The following CGNL1 variants were observed in gnomAD, a reference collection of about 807,000 sequenced individuals.
The protein encoded by CGNL1 is cingulin-like protein 1.
A neutral mutation model predicts 141.2 loss-of-function variants in CGNL1; 132 were observed. The ratio of observed to expected loss-of-function variants is 0.93; its 90% confidence interval spans 0.81 to 1.08. The LOEUF (loss-of-function observed/expected upper bound fraction) is 1.08. Among genes scored for constraint, CGNL1 ranks in the 50% least tolerant of loss-of-function variants. The probability of loss-of-function intolerance (pLI) is 0.00; values close to 1 mark genes in which losing one functional copy is unlikely to be tolerated. For synonymous variants in CGNL1, 690 were observed against 622.1 expected (o/e 1.11, Z -1.63); for missense variants, 1,870 against 1,588.6 (o/e 1.18, Z -3.01).
intron 8 of CGNL1, among the ~76,000 whole-genome samples, chr15:57,484,084 A>G (rs1300536421): frequency 6.6e-6 from 1 of 152,060 alleles, no homozygotes; most frequent in African/African-American, 2.4e-5. Context: ...TTAGGATACT[A>G]TTTGGATTTT....
At chr15:57,414,661 A>AAACAACAACAACAACAAC (rs10527352) in intron 1 of CGNL1, among the ~76,000 whole-genome samples, 147 of 151,354 alleles carry the variant, frequency 9.7e-4, no homozygotes, top group East Asian at 7.8e-3. Context: ...TTTAAAACCA[A>AAACAACAACAACAACAAC]AACAACAACA....
At chr15:57,411,535 C>A (rs2062787395) in intron 1 of CGNL1, among the ~76,000 whole-genome samples, 1 of 151,632 alleles carries the variant, frequency 6.6e-6, no homozygotes, top group Non-Finnish European at 1.5e-5. Flanking sequence ...CCTCCACCTA[C>A]CAGGTTCAAG....
chr15:57,497,748 G>T (rs554845750), intron 8 of CGNL1, among the ~76,000 whole-genome samples: 1 of 152,234 alleles, frequency 6.6e-6, no homozygotes, highest in Non-Finnish European at 1.5e-5. Context: ...GGCCACAGGA[G>T]CTGAGCATGT....
intron 1 of CGNL1, among the ~76,000 whole-genome samples, chr15:57,412,107 G>T (rs1026544313): frequency 6.6e-6 from 1 of 152,224 alleles, no homozygotes; most frequent in African/African-American, 2.4e-5. Flanking sequence ...GCTGATGACA[G>T]TTTGGAGAGT....
intron 8 of CGNL1, among the ~76,000 whole-genome samples, chr15:57,501,337 C>G (rs1469944174): frequency 6.6e-6 from 1 of 152,208 alleles, no homozygotes; most frequent in Non-Finnish European, 1.5e-5. Flanking sequence ...AATAGCAGTG[C>G]CTCCCTCAGC....
At chr15:57,430,966 C>G (rs1384913465) in intron 1 of CGNL1, among the ~76,000 whole-genome samples, 4 of 152,186 alleles carry the variant, frequency 2.6e-5, no homozygotes, top group African/African-American at 9.6e-5. Flanking sequence ...AGGTGATCAA[C>G]CTGCCTCAGC....
intron 1 of CGNL1, among the ~76,000 whole-genome samples, chr15:57,388,521 C>T (rs184049174): frequency 6.6e-6 from 1 of 152,292 alleles, no homozygotes; most frequent in East Asian, 1.9e-4. Flanking sequence ...GTCCAGTGCT[C>T]AGAGCAGTGT....
intron 12 of CGNL1, among the ~76,000 whole-genome samples, chr15:57,526,837 AG>A (rs1361384400): frequency 6.6e-6 from 1 of 152,016 alleles, no homozygotes; most frequent in Non-Finnish European, 1.5e-5. Flanking sequence ...TGGGTGTGGA[AG>A]GTGGGGCTGT....
At chr15:57,524,500 T>C (rs2031480977) in intron 11 of CGNL1, 81 bp from the exon 12 acceptor site, 2 of 1,246,586 alleles carry the variant, frequency 1.6e-6, no homozygotes, top group South Asian at 2.9e-5. Flanking sequence ...GAAGAGGAGA[T>C]GTGCTGTGTG....
At chr15:57,437,140 T>TG (rs2063115283) in intron 1 of CGNL1, among the ~76,000 whole-genome samples, 1 of 152,144 alleles carries the variant, frequency 6.6e-6, no homozygotes, top group Admixed American at 6.5e-5. Context: ...CTTGGTGAGC[T>TG]CTCTGCAGTC....
intron 13 of CGNL1, chr15:57,529,040 A>C: frequency 2.2e-6 from 1 of 451,560 alleles, no homozygotes; most frequent in Non-Finnish European, 3.9e-6. Flanking sequence ...AATTAGTCTA[A>C]CATTCTCATT....
At chr15:57,429,984 T>C (rs2063025028) in intron 1 of CGNL1, among the ~76,000 whole-genome samples, 1 of 152,194 alleles carries the variant, frequency 6.6e-6, no homozygotes, top group Non-Finnish European at 1.5e-5. Context: ...CTAATTTTTG[T>C]ATTTTTCATA....
chr15:57,477,660 A>G (rs1310719545), intron 8 of CGNL1: 1 of 152,346 alleles, frequency 6.6e-6, no homozygotes. Context: ...TTTTTGTGAG[A>G]AGAAGCCTTC....
chr15:57,409,677 G>T (rs1024338567), intron 1 of CGNL1, among the ~76,000 whole-genome samples: 1 of 152,184 alleles, frequency 6.6e-6, no homozygotes, highest in South Asian at 2.1e-4. Context: ...AGGGCGTGGA[G>T]TTGACTGATG....
At chr15:57,531,821 G>GA in intron 14 of CGNL1, 42 bp downstream of exon 14, 1 of 1,291,130 alleles carries the variant, frequency 7.7e-7, no homozygotes, top group Non-Finnish European at 1.1e-6. Context: ...TGTCCTGTGT[G>GA]AAAAAGGAAC....
intron 14 of CGNL1, among the ~76,000 whole-genome samples, chr15:57,537,726 A>G (rs1471332298): frequency 2.0e-5 from 3 of 152,278 alleles, no homozygotes; most frequent in African/African-American, 7.2e-5. Context: ...GGTCATGGGT[A>G]TCTCTGACAT....
At chr15:57,379,135 C>G (rs1468292628) in intron 1 of CGNL1, among the ~76,000 whole-genome samples, 2 of 152,026 alleles carry the variant, frequency 1.3e-5, no homozygotes, top group African/African-American at 4.8e-5. Context: ...AATCTTGTCT[C>G]AATTGGGAAA....
At chr15:57,383,626 CTTTTCTTTTTTTTTTT>C (rs2062450949) in intron 1 of CGNL1, among the ~76,000 whole-genome samples, 1 of 62,780 alleles carries the variant, frequency 1.6e-5, no homozygotes, top group Non-Finnish European at 2.8e-5. Flanking sequence ...CTTTTCTTTT[CTTTTCTTTTTTTTTTT>C]GAGATAATCT....
intron 1 of CGNL1, chr15:57,407,401 C>T (rs1170423362): frequency 2.0e-5 from 3 of 152,230 alleles, no homozygotes; most frequent in East Asian, 3.9e-4. Flanking sequence ...TGGCTCATGC[C>T]TGTAATTCCA....
Sources: allele counts gnomAD v4.1 joint callset (sites outside exome capture counted in the v4.1 genomes callset), GRCh38; gene constraint gnomAD v4.1.1; transcripts MANE v1.5; gene names NCBI Gene and HGNC (gene_info 2026-07-23, HGNC 2026-07-21).